TOM1L2: variants seen among roughly 807,000 people sequenced by gnomAD.
TOM1L2 encodes the protein target of myb1 like 2 membrane trafficking protein, also known as TOM1-like protein 2.
A neutral mutation model predicts 67.9 loss-of-function variants in TOM1L2; 31 were observed. The ratio of observed to expected loss-of-function variants is 0.46; its 90% confidence interval spans 0.34 to 0.62. TOM1L2 has a LOEUF of 0.62. Ranked by LOEUF, TOM1L2 falls within the 20% of genes least tolerant of loss-of-function variation. The pLI is 0.01. For synonymous variants in TOM1L2, 256 were observed against 254.0 expected (o/e 1.01, Z -0.07); for missense variants, 606 against 663.5 (o/e 0.91, Z 0.95).
intron 1 of TOM1L2, among the ~76,000 whole-genome samples, chr17:17,920,455 C>T (rs2039814127): frequency 6.6e-6 from 1 of 150,758 alleles, no homozygotes; most frequent in Non-Finnish European, 1.5e-5. Flanking sequence ...ATTCTCCAGC[C>T]TCAGTCTCCC....
chr17:17,949,898 T>C (rs2041117233), intron 1 of TOM1L2, among the ~76,000 whole-genome samples: 1 of 152,128 alleles, frequency 6.6e-6, no homozygotes, highest in Admixed American at 6.6e-5. Flanking sequence ...TGAGACAGAG[T>C]CTTGCTCTGT....
intron 2 of TOM1L2, among the ~76,000 whole-genome samples, chr17:17,906,131 C>CT (rs1568229967): frequency 2.0e-5 from 3 of 147,166 alleles, no homozygotes; most frequent in Non-Finnish European, 1.5e-5. Context: ...CTTCTCTTTT[C>CT]ATTTTTTTTT....
chr17:17,872,057 CTGGATTGCCA>C, intron 7 of TOM1L2: 1 of 985,464 alleles, frequency 1.0e-6, no homozygotes, highest in Non-Finnish European at 1.2e-6. Context: ...CAGACGTGGT[CTGGATTGCCA>C]GGCAATAATG....
intron 7 of TOM1L2, among the ~76,000 whole-genome samples, chr17:17,877,293 A>AC (rs1240032960): frequency 2.6e-5 from 4 of 151,614 alleles, no homozygotes; most frequent in Middle Eastern, 3.4e-3. Context: ...TATTCCCCCC[A>AC]CCTCCTACCC....
At chr17:17,920,445 A>ATTCTCCAGCCT (rs1003128806) in intron 1 of TOM1L2, among the ~76,000 whole-genome samples, 1 of 149,806 alleles carries the variant, frequency 6.7e-6, no homozygotes, top group African/African-American at 2.5e-5. Context: ...GGTTCAAGCA[A>ATTCTCCAGCCT]TTCTCCAGCC....
intron 1 of TOM1L2, among the ~76,000 whole-genome samples, chr17:17,960,563 C>T (rs1445711832): frequency 6.6e-6 from 1 of 152,110 alleles, no homozygotes; most frequent in Non-Finnish European, 1.5e-5. Flanking sequence ...GTCTCGAACT[C>T]CTGAGCTCAA....
chr17:17,941,730 G>C (rs2040741892), intron 1 of TOM1L2, among the ~76,000 whole-genome samples: 1 of 152,200 alleles, frequency 6.6e-6, no homozygotes, highest in Non-Finnish European at 1.5e-5. Context: ...CAATTTTACA[G>C]TGGAAATGGA....
intron 3 of TOM1L2, among the ~76,000 whole-genome samples, chr17:17,894,790 G>A (rs185571786): frequency 2.5e-4 from 38 of 152,332 alleles, no homozygotes; most frequent in Non-Finnish European, 3.5e-4. Context: ...AACTAGCCAG[G>A]CTTGGTGGCA....
chr17:17,912,781 G>C, intron 1 of TOM1L2, among the ~76,000 whole-genome samples: 1 of 151,956 alleles, frequency 6.6e-6, no homozygotes, highest in Non-Finnish European at 1.5e-5. Flanking sequence ...TCCCAGACGG[G>C]GTGGCGGCCG....
intron 1 of TOM1L2, among the ~76,000 whole-genome samples, chr17:17,932,654 AGACAG>A (rs2040381668): frequency 6.6e-6 from 1 of 152,186 alleles, no homozygotes; most frequent in Admixed American, 6.5e-5. Flanking sequence ...CTTTGGAACC[AGACAG>A]AACTACATGC....
At chr17:17,857,668 G>C in intron 12 of TOM1L2, 2 of 1,054,502 alleles carry the variant, frequency 1.9e-6, no homozygotes, top group Non-Finnish European at 2.8e-6. Flanking sequence ...TGTACTGTCT[G>C]ATTCACAAAG....
intron 1 of TOM1L2, among the ~76,000 whole-genome samples, chr17:17,931,591 G>A (rs1810666258): frequency 6.6e-6 from 1 of 152,162 alleles, no homozygotes; most frequent in South Asian, 2.1e-4. Context: ...TGAGCTCCTT[G>A]AAAGGCAATA....
intron 1 of TOM1L2, among the ~76,000 whole-genome samples, chr17:17,910,788 C>G (rs1189947371): frequency 2.0e-5 from 3 of 152,066 alleles, no homozygotes; most frequent in Non-Finnish European, 4.4e-5. Context: ...AGACTGGTCT[C>G]GAACTCCTGA....
At chr17:17,927,788 C>T (rs2040156082) in intron 1 of TOM1L2, among the ~76,000 whole-genome samples, 1 of 151,966 alleles carries the variant, frequency 6.6e-6, no homozygotes, top group South Asian at 2.1e-4. Flanking sequence ...CCTCAGCCTC[C>T]TGAGTAGCTG....
intron 7 of TOM1L2, among the ~76,000 whole-genome samples, chr17:17,874,195 C>A (rs375415649): frequency 2.0e-5 from 3 of 152,184 alleles, no homozygotes; most frequent in African/African-American, 7.2e-5. Flanking sequence ...ACCTCATGAT[C>A]TGCCCGCCTT....
chr17:17,937,187 G>T (rs538127224), intron 1 of TOM1L2, among the ~76,000 whole-genome samples: 1 of 152,292 alleles, frequency 6.6e-6, no homozygotes, highest in South Asian at 2.1e-4. Context: ...GAGTTATCTG[G>T]CAGGCTATTC....
chr17:17,883,821 C>A (rs182853768), intron 5 of TOM1L2, among the ~76,000 whole-genome samples: 6 of 152,158 alleles, frequency 3.9e-5, no homozygotes, highest in Non-Finnish European at 7.3e-5. Flanking sequence ...CGTGTTCCTA[C>A]GAGAGATGTG....
intron 1 of TOM1L2, among the ~76,000 whole-genome samples, chr17:17,928,199 C>T (rs758863474): frequency 3.3e-5 from 5 of 151,728 alleles, no homozygotes; most frequent in Non-Finnish European, 7.4e-5. Context: ...CCATTCATAA[C>T]TTTGACCCGG....
chr17:17,849,682 G>A (rs1316970204), intron 13 of TOM1L2, among the ~76,000 whole-genome samples: 1 of 152,180 alleles, frequency 6.6e-6, no homozygotes, highest in East Asian at 1.9e-4. Context: ...CAAAGCCCTG[G>A]GCTGGGCTAG....
Sources: allele counts gnomAD v4.1 joint callset (sites outside exome capture counted in the v4.1 genomes callset), GRCh38; gene constraint gnomAD v4.1.1; transcripts MANE v1.5; gene names NCBI Gene and HGNC (gene_info 2026-07-23, HGNC 2026-07-21).